TMEM266: variants seen among roughly 807,000 people sequenced by gnomAD.
TMEM266 encodes the protein Hv1 related protein 1.
TMEM266 carries 33 observed loss-of-function variants against 50.5 expected under a neutral mutation model. That is an observed-to-expected ratio of 0.65 (90% CI 0.50 to 0.87). The LOEUF is 0.87. Ranked by LOEUF, TMEM266 falls within the 40% of genes least tolerant of loss-of-function variation. The pLI is 0.00. For synonymous variants in TMEM266, 310 were observed against 292.3 expected (o/e 1.06, Z -0.62); for missense variants, 655 against 695.1 (o/e 0.94, Z 0.65).
intron 1 of TMEM266, among the ~76,000 whole-genome samples, chr15:76,077,020 A>G (rs909894484): frequency 6.6e-6 from 1 of 152,022 alleles, no homozygotes; most frequent in Non-Finnish European, 1.5e-5. Flanking sequence ...GCTGGAGTGC[A>G]GTGGCACAAT....
At chr15:76,141,886 A>C (rs2037685098) in intron 3 of TMEM266, among the ~76,000 whole-genome samples, 1 of 152,208 alleles carries the variant, frequency 6.6e-6, no homozygotes, top group Admixed American at 6.5e-5. Flanking sequence ...AATGTCCACA[A>C]GGTTCATCCA....
At chr15:76,181,626 G>A (rs1053395382) in intron 8 of TMEM266, 2 of 152,164 alleles carry the variant, frequency 1.3e-5, no homozygotes, top group East Asian at 3.9e-4. Context: ...AGTTAGGCTC[G>A]CTGGTACACA....
chr15:76,170,045 TC>T (rs1255474054), intron 6 of TMEM266, among the ~76,000 whole-genome samples, 173 bp downstream of exon 6: 2 of 152,130 alleles, frequency 1.3e-5, no homozygotes, highest in Admixed American at 6.5e-5. Context: ...TGAGACTGTT[TC>T]CAGCAAAGGA....
At chr15:76,069,845 C>T (rs2036509406) in intron 1 of TMEM266, among the ~76,000 whole-genome samples, 1 of 151,688 alleles carries the variant, frequency 6.6e-6, no homozygotes, top group African/African-American at 2.4e-5. Flanking sequence ...AAGAAACCTA[C>T]CCTGAGAAAC....
chr15:76,172,579 C>T (rs1033958006), intron 7 of TMEM266, among the ~76,000 whole-genome samples: 3 of 152,194 alleles, frequency 2.0e-5, no homozygotes, highest in South Asian at 2.1e-4. Flanking sequence ...GCCATCTTGT[C>T]AGGGATCCCC....
chr15:76,173,353 G>C (rs2038216462), intron 7 of TMEM266, among the ~76,000 whole-genome samples: 1 of 152,166 alleles, frequency 6.6e-6, no homozygotes, highest in Non-Finnish European at 1.5e-5. Flanking sequence ...TGAAGAGTCA[G>C]GAAGGGCTGG....
At chr15:76,077,689 C>G (rs186630275) in intron 1 of TMEM266, among the ~76,000 whole-genome samples, 1 of 151,994 alleles carries the variant, frequency 6.6e-6, no homozygotes, top group Non-Finnish European at 1.5e-5. Context: ...ATTGATGAAA[C>G]TACAAGCCAA....
At chr15:76,175,330 G>A in intron 7 of TMEM266, 4 of 493,690 alleles carry the variant, frequency 8.1e-6, no homozygotes, top group Non-Finnish European at 1.1e-5. Flanking sequence ...AAAAGTATGG[G>A]TTCTAGCACT....
At chr15:76,065,940 G>A (rs1416728047) in intron 1 of TMEM266, among the ~76,000 whole-genome samples, 2 of 152,068 alleles carry the variant, frequency 1.3e-5, no homozygotes, top group East Asian at 3.9e-4. Flanking sequence ...TCCTTCCCTG[G>A]CCAGAGGAGG....
intron 5 of TMEM266, among the ~76,000 whole-genome samples, chr15:76,163,069 G>T (rs1033465229): frequency 6.6e-6 from 1 of 152,228 alleles, no homozygotes; most frequent in Non-Finnish European, 1.5e-5. Context: ...CCTGGAAGGT[G>T]GGTAGGACAT....
intron 9 of TMEM266, among the ~76,000 whole-genome samples, chr15:76,195,166 G>A (rs2460151): frequency 5.3e-5 from 8 of 151,914 alleles, no homozygotes; most frequent in Non-Finnish European, 1.2e-4. Flanking sequence ...TCTCCACACC[G>A]TTCCCTGGCA....
At chr15:76,138,497 A>G (rs1292032682) in intron 3 of TMEM266, among the ~76,000 whole-genome samples, 1 of 152,184 alleles carries the variant, frequency 6.6e-6, no homozygotes, top group African/African-American at 2.4e-5. Flanking sequence ...TACACTTGGG[A>G]AGAAGGGGAC....
intron 8 of TMEM266, among the ~76,000 whole-genome samples, chr15:76,189,389 G>A (rs2038534902): frequency 1.3e-5 from 2 of 151,974 alleles, no homozygotes; most frequent in South Asian, 4.1e-4. Flanking sequence ...AGGAAAGAAG[G>A]AGGGAAGGAA....
intron 1 of TMEM266, among the ~76,000 whole-genome samples, chr15:76,110,711 T>C (rs1427465729): frequency 6.6e-6 from 1 of 152,210 alleles, no homozygotes; most frequent in Non-Finnish European, 1.5e-5. Context: ...AGCCACAGTC[T>C]GGGAGAAAAT....
intron 1 of TMEM266, among the ~76,000 whole-genome samples, chr15:76,077,374 G>A (rs2036622071): frequency 6.6e-6 from 1 of 152,058 alleles, no homozygotes; most frequent in Admixed American, 6.6e-5. Context: ...TCATGTGTGA[G>A]ACATTGAAGA....
At chr15:76,126,624 C>G (rs1445991304) in intron 1 of TMEM266, among the ~76,000 whole-genome samples, 3 of 151,806 alleles carry the variant, frequency 2.0e-5, no homozygotes, top group South Asian at 4.2e-4. Flanking sequence ...CTCCGCCTCC[C>G]GAGTTCAAGC....
intron 3 of TMEM266, among the ~76,000 whole-genome samples, chr15:76,144,598 C>T (rs372744429): frequency 6.6e-6 from 1 of 152,172 alleles, no homozygotes; most frequent in South Asian, 2.1e-4. Flanking sequence ...GCCCCAGCTC[C>T]AGTCCTATGT....
chr15:76,144,289 C>T (rs545282899), intron 3 of TMEM266, among the ~76,000 whole-genome samples: 3 of 152,128 alleles, frequency 2.0e-5, no homozygotes, highest in Admixed American at 2.0e-4. Context: ...CAACAAGTAC[C>T]AGTGGGTTCC....
At chr15:76,184,494 C>T (rs368816593) in intron 8 of TMEM266, among the ~76,000 whole-genome samples, 20 of 152,296 alleles carry the variant, frequency 1.3e-4, no homozygotes, top group African/African-American at 3.6e-4. Flanking sequence ...TTACCAACAA[C>T]GGTGAAACTA....
Sources: allele counts gnomAD v4.1 joint callset (sites outside exome capture counted in the v4.1 genomes callset), GRCh38; gene constraint gnomAD v4.1.1; transcripts MANE v1.5; gene names NCBI Gene and HGNC (gene_info 2026-07-23, HGNC 2026-07-21).